The following UBAP2 variants were observed in gnomAD, a reference collection of about 807,000 sequenced individuals.
UBAP2 encodes ubiquitin associated protein 2.
UBAP2 carries 75 observed loss-of-function variants against 139.6 expected under a neutral mutation model. The ratio of observed to expected loss-of-function variants is 0.54; its 90% CI spans 0.45 to 0.65. UBAP2 has a LOEUF of 0.65. Ranked by LOEUF, UBAP2 falls within the 30% of genes least tolerant of loss-of-function variation. The pLI, the probability that UBAP2 is intolerant of heterozygous loss-of-function variation, is 0.00. For missense variants in UBAP2, 1,368 were observed against 1,369.6 expected (o/e 1.00, Z 0.02); for synonymous variants, 526 against 526.2 (o/e 1.00, Z 0.01).
chr9:33,990,570 T>C (rs953180900), intron 4 of UBAP2, among the ~76,000 whole-genome samples: 2 of 151,996 alleles, frequency 1.3e-5, no homozygotes, highest in Non-Finnish European at 2.9e-5. Context: ...GGTATTATCA[T>C]ACAGTTCTGG....
chr9:34,014,324 C>CAAAAAAAAA (rs1170182976), intron 2 of UBAP2, among the ~76,000 whole-genome samples: 1 of 55,676 alleles, frequency 1.8e-5, no homozygotes, highest in African/African-American at 7.4e-5. Context: ...GAGACTGTCT[C>CAAAAAAAAA]AAAAAAAAAA....
chr9:34,001,444 C>T (rs1453019444), intron 2 of UBAP2, among the ~76,000 whole-genome samples: 1 of 152,136 alleles, frequency 6.6e-6, no homozygotes, highest in Non-Finnish European at 1.5e-5. Context: ...TGAGTGAACA[C>T]GGTTGGTAAA....
chr9:33,927,617 C>A (rs973640605), intron 20 of UBAP2, among the ~76,000 whole-genome samples, 180 bp downstream of exon 20: 6 of 152,180 alleles, frequency 3.9e-5, no homozygotes, highest in Non-Finnish European at 5.9e-5. Flanking sequence ...GGCCAGGAAT[C>A]CTGCAAGGAA....
intron 4 of UBAP2, among the ~76,000 whole-genome samples, chr9:33,992,663 G>T (rs558265030): frequency 6.1e-5 from 9 of 148,400 alleles, no homozygotes; most frequent in South Asian, 4.4e-4. Context: ...GGCGGAGGGG[G>T]GGGGGCACAA....
Position 33,932,645 on chromosome 9 carries a change from A to C in UBAP2, c.2109-17T>G. On this transcript the variant is annotated splice_polypyrimidine_tract_variant and intron_variant, in intron 18 of 28. Coordinates refer to ENST00000379238, the MANE Select transcript of UBAP2 (RefSeq NM_001370062.2). ...GAGAGCGAACTAGAAGACAAAACAG[A>C]GCGCCGTATGTCCACCTGAACAAGT... 5 of 1,613,494 alleles carry C rather than the reference A, an allele frequency of 3.1e-6. No individual in the cohort carries two copies. The highest frequency in any genetic ancestry group is 3.4e-6 in the Non-Finnish European group (4 of 1,179,854).
intron 1 of UBAP2, among the ~76,000 whole-genome samples, chr9:34,029,041 A>T (rs1261231156): frequency 1.3e-5 from 2 of 152,144 alleles, no homozygotes; most frequent in East Asian, 3.9e-4. Context: ...CCTTGAGCTT[A>T]GGAGATCAAG....
At chr9:33,987,922 G>A (rs2131140853) in intron 5 of UBAP2, among the ~76,000 whole-genome samples, 1 of 152,200 alleles carries the variant, frequency 6.6e-6, no homozygotes, top group South Asian at 2.1e-4. Flanking sequence ...CCAACACGCA[G>A]TCTTTTCTTT....
At chr9:33,952,191 A>C (rs1826157379) in intron 12 of UBAP2, among the ~76,000 whole-genome samples, 1 of 152,238 alleles carries the variant, frequency 6.6e-6, no homozygotes, top group Non-Finnish European at 1.5e-5. Context: ...AATTATCCCT[A>C]GTAAGAGCTG....
rs142253674 is a variant in UBAP2 at position 33,957,266 on chromosome 9, T to C, written c.799-1120A>G. Among the ~76,000 whole-genome samples, 3 of 152,212 alleles carry C rather than the reference T, an allele frequency of 2.0e-5. No individual in the cohort carries two copies. The East Asian group carries it at 5.8e-4, about 29-fold the overall frequency. ...ATTAATTTTATCACATTCTAACACA[T>C]CCAATAAACCGCAAATATTCAAACC... On this transcript the variant is annotated intron_variant, in intron 10 of 28. Transcript: ENST00000379238.
chr9:33,992,389 C>CAA (rs33969994), intron 4 of UBAP2, among the ~76,000 whole-genome samples: 51,957 of 79,702 alleles, frequency 0.65, 17,361 homozygotes, highest in East Asian at 0.79. Context: ...AACTCCATCT[C>CAA]AAAAAAAAAA....
At chr9:33,986,585 A>C (rs912150920) in intron 6 of UBAP2, among the ~76,000 whole-genome samples, 175 bp downstream of exon 6, 3 of 152,162 alleles carry the variant, frequency 2.0e-5, no homozygotes, top group African/African-American at 7.2e-5. Context: ...GGTTTCTTCA[A>C]AACTACATAA....
intron 16 of UBAP2, among the ~76,000 whole-genome samples, chr9:33,939,890 AGG>A (rs1564022204): frequency 1.6e-4 from 1 of 6,086 alleles, no homozygotes; most frequent in Non-Finnish European, 3.1e-4. Flanking sequence ...GAGGAGGAGG[AGG>A]GGAGGAGGAG....
intron 4 of UBAP2, among the ~76,000 whole-genome samples, chr9:33,993,659 C>G (rs1821906336): frequency 6.6e-6 from 1 of 152,176 alleles, no homozygotes; most frequent in Admixed American, 6.6e-5. Flanking sequence ...GAGTGAGACC[C>G]TGTCTTAATA....
At chr9:34,045,677 A>C (rs1466091108) in intron 1 of UBAP2, among the ~76,000 whole-genome samples, 1 of 152,168 alleles carries the variant, frequency 6.6e-6, no homozygotes, top group Admixed American at 6.6e-5. Flanking sequence ...CAGTCACAAA[A>C]GAAAATTTTT....
intron 1 of UBAP2, among the ~76,000 whole-genome samples, chr9:34,025,424 G>A (rs1825322117): frequency 6.6e-6 from 1 of 152,118 alleles, no homozygotes; most frequent in Non-Finnish European, 1.5e-5. Flanking sequence ...TTGAGGGGCA[G>A]GAAGCACCAG....
intron 6 of UBAP2, among the ~76,000 whole-genome samples, chr9:33,983,081 T>C (rs1007095405): frequency 6.6e-6 from 1 of 152,076 alleles, no homozygotes; most frequent in African/African-American, 2.4e-5. Flanking sequence ...GGTTTCACTA[T>C]GATGGCCAGG....
At chr9:33,967,054 CAATA>C (rs1484118890) in intron 8 of UBAP2, among the ~76,000 whole-genome samples, 2 of 152,010 alleles carry the variant, frequency 1.3e-5, no homozygotes, top group Non-Finnish European at 2.9e-5. Flanking sequence ...TATTTTCTCT[CAATA>C]TTGTTTTATA....
At position 34,017,649 on chromosome 9, in the gene UBAP2, G is replaced by C. The variant is rs181174692; in HGVS notation, c.-41-460C>G. The stretch of plus-strand genomic sequence containing the variant: ...ATCTTAAAGAAACAATTGTGTGGCC[G>C]GGTGCGGTGGCTCACGCCTGTAATC... On this transcript the variant is annotated intron_variant, in intron 1 of 28. Coordinates refer to ENST00000379238, the MANE Select transcript of UBAP2 (RefSeq NM_001370062.2). Among the ~76,000 whole-genome samples, 8 of 152,278 alleles carry C rather than the reference G, an allele frequency of 5.3e-5. No individual in the cohort carries two copies. In the East Asian group the frequency reaches 1.4e-3, roughly 26 times the overall value.
chr9:34,028,611 C>T (rs1316169099), intron 1 of UBAP2, among the ~76,000 whole-genome samples: 2 of 151,932 alleles, frequency 1.3e-5, no homozygotes, highest in Non-Finnish European at 2.9e-5. Context: ...AACTCCTGAC[C>T]TTAAGTGATC....
Sources: allele counts gnomAD v4.1 joint callset (sites outside exome capture counted in the v4.1 genomes callset), GRCh38; gene constraint gnomAD v4.1.1; transcripts MANE v1.5; gene names NCBI Gene and HGNC (gene_info 2026-07-23, HGNC 2026-07-21).